Variants in KIF17 observed in about 807,000 individuals in gnomAD.
The protein encoded by KIF17 is kinesin-like protein KIF17.
A neutral mutation model predicts 96.8 loss-of-function variants in KIF17; 80 were observed. The observed-to-expected ratio is 0.83, with a 90% CI of 0.69 to 1.00. The LOEUF (loss-of-function observed/expected upper bound fraction) is 1.00. Ranked by LOEUF, KIF17 falls within the 50% of genes least tolerant of loss-of-function variation. The pLI, the probability that KIF17 is intolerant of heterozygous loss-of-function variation, is 0.00. For synonymous variants in KIF17, 567 were observed against 587.5 expected (o/e 0.97, Z 0.51); for missense variants, 1,280 against 1,372.9 (o/e 0.93, Z 1.07).
intron 11 of KIF17, among the ~76,000 whole-genome samples, chr1:20,677,097 G>T (rs1488410975): frequency 6.6e-6 from 1 of 152,210 alleles, no homozygotes; most frequent in Admixed American, 6.5e-5. Flanking sequence ...TGTAGTCCCA[G>T]CTATTCGGGA....
At position 20,704,622 on chromosome 1, in the gene KIF17, G is replaced by C; in HGVS notation, c.948C>G (p.Asp316Glu). The C allele has an allele frequency of 6.2e-7, 1 of 1,614,204 alleles. No individual in the cohort carries two copies. The highest frequency in any genetic ancestry group is 1.1e-5 in the South Asian group (1 of 91,072). Residue 316 changes from aspartate (D) to glutamate (E), a missense_variant, in exon 5 of 15, where the codon GAC becomes GAG. By Grantham distance (45) the Asp-to-Glu change is conservative (BLOSUM62 2). Transcript: ENST00000400463. This position sits in a 1 kb window ranked among gnomAD's most constrained non-coding sequence, Gnocchi z 6.8. ...TGCTGAGTGTCTCATCGTAGTTGTT[G>C]TCCGCAGGCGACAGGCAGGCCACCA... ...TLMVACLSPA[D>E]NNYDETLSTL...
In KIF17 at chr1:20,666,107, G is replaced by T. The variant is rs2053522242; in HGVS notation, c.2908+107C>A. The T allele has an allele frequency of 3.5e-6, 3 of 860,798 alleles. 1 individual carries two copies. Among genetic ancestry groups the T allele is most frequent in the South Asian group, 2.6e-5 (2 of 75,892 alleles). The allele number at this position is 860,798 out of a possible 1,614,324, so 53.3% of individuals were successfully genotyped here. ...TTGTAGCTAAGGAAACTGAGGCTCCGAGAGGGAAAGGAGTTTTTGAACCCA... is the reference window on the plus strand; with the variant it reads ...TTGTAGCTAAGGAAACTGAGGCTCCTAGAGGGAAAGGAGTTTTTGAACCCA... On this transcript the variant is annotated intron_variant, in intron 14 of 14. Coordinates refer to ENST00000400463, the MANE Select transcript of KIF17 (RefSeq NM_001122819.3).
At chr1:20,674,814 A>G (rs2053709439) in intron 11 of KIF17, among the ~76,000 whole-genome samples, 1 of 152,070 alleles carries the variant, frequency 6.6e-6, no homozygotes, top group East Asian at 1.9e-4. Flanking sequence ...TATTGACAAG[A>G]CTGTCCTTTC....
In KIF17 at chr1:20,671,977, T is replaced by A; in HGVS notation, c.2683A>T (p.Ile895Phe). 6.2e-7 allele frequency: 1 copy of A among 1,613,992 alleles called. No individual in the cohort carries two copies. Among genetic ancestry groups the A allele is most frequent in the Non-Finnish European group, 8.5e-7 (1 of 1,180,044 alleles). The change falls in exon 12 of 15, where the codon ATC becomes TTC. Residue 895 changes from isoleucine to phenylalanine, a missense_variant. By Grantham distance (21) the Ile-to-Phe change is conservative. Transcript: ENST00000400463. ...CWDEDNGFWK[I>F]PHPVITKTSL... ...GTTTTTGTGATGACGGGATGTGGGATCTTCCAGAAGCCGTTATCTTCGTCC... is the reference window on the plus strand; with the variant it reads ...GTTTTTGTGATGACGGGATGTGGGAACTTCCAGAAGCCGTTATCTTCGTCC...
intron 12 of KIF17, 33 bp downstream of exon 12, chr1:20,671,905 G>T (rs1430822568): frequency 6.2e-7 from 1 of 1,607,128 alleles, no homozygotes; most frequent in Non-Finnish European, 8.5e-7. Flanking sequence ...GTGAAGGAGG[G>T]AGGGGAGGGC....
rs1557606416 is a variant in KIF17 at position 20,712,622 on chromosome 1, GATA to G, written c.480+829_480+831del. On this transcript the variant is annotated intron_variant, in intron 3 of 14. Coordinates refer to ENST00000400463, the MANE Select transcript of KIF17 (RefSeq NM_001122819.3). ...TATATATCTATATATATATAATATA[GATA>G]ATATCTATATATATAATATAGATAA... 1.4e-3 allele frequency among the ~76,000 whole-genome samples: 30 copies of G among 21,096 alleles called. 10 individuals carry two copies. Among genetic ancestry groups the G allele is most frequent in the Non-Finnish European group, 3.2e-3 (24 of 7,616 alleles). The allele number at this position is 21,096 out of a possible 152,430, so 13.8% of individuals were successfully genotyped here.
intron 1 of KIF17, among the ~76,000 whole-genome samples, chr1:20,717,094 C>G (rs950420838): frequency 6.6e-6 from 1 of 152,204 alleles, no homozygotes; most frequent in African/African-American, 2.4e-5. Flanking sequence ...GATCCCAGCA[C>G]TTGGCGGGCG....
At position 20,684,799 on chromosome 1, in the gene KIF17, T is replaced by C. The variant is rs1444621164; in HGVS notation, c.2231+10A>G. The C allele has an allele frequency of 8.9e-6, 14 of 1,564,706 alleles. No individual in the cohort carries two copies. In the East Asian group the frequency reaches 3.4e-4, roughly 37 times the overall value. On this transcript the variant is annotated intron_variant, in intron 10 of 14. Coordinates refer to ENST00000400463, the MANE Select transcript of KIF17 (RefSeq NM_001122819.3). The stretch of plus-strand genomic sequence containing the variant: ...GTGGGGTCCCGCCAGCCCCATGCTC[T>C]GCTGCTTACCGGGCCAGCACCTGCT...
intron 6 of KIF17, among the ~76,000 whole-genome samples, chr1:20,694,404 C>T (rs1042615583): frequency 6.6e-6 from 1 of 152,060 alleles, no homozygotes; most frequent in African/African-American, 2.4e-5. Flanking sequence ...AGCAGAACTG[C>T]AGGTTAATGG....
chr1:20,668,628 T>C (rs769243089), intron 13 of KIF17, among the ~76,000 whole-genome samples: 39 of 152,218 alleles, frequency 2.6e-4, no homozygotes, highest in Admixed American at 5.2e-4. Flanking sequence ...TTCATTAGCC[T>C]AGGAGTGGTC....
chr1:20,664,493 G>A lies in KIF17; in HGVS notation c.*91C>T, dbSNP rs1036254665. 49 of 1,609,620 alleles carry A rather than the reference G, an allele frequency of 3.0e-5. No homozygotes were observed. The highest frequency in any genetic ancestry group is 4.2e-4 in the Middle Eastern group (2 of 4,802). On this transcript the variant is annotated 3_prime_UTR_variant, in exon 15 of 15. Coordinates refer to ENST00000400463, the MANE Select transcript of KIF17 (RefSeq NM_001122819.3). ...GCCCTCAGGCCCCGGAGCGCTGTGT[G>A]GCAGGTGGGAGGAGACCTGGTTGGG...
Position 20,704,200 on chromosome 1 carries a change from C to T in KIF17, c.1123+247G>A, listed in dbSNP as rs2054297817. ...GGATAATGGATGAGCAGATGAGAGGCGGGGAGTGGGCAACAGCCTGCGTCA... is the reference window on the plus strand; with the variant it reads ...GGATAATGGATGAGCAGATGAGAGGTGGGGAGTGGGCAACAGCCTGCGTCA... On this transcript the variant is annotated intron_variant, in intron 5 of 14. Coordinates refer to ENST00000400463, the MANE Select transcript of KIF17 (RefSeq NM_001122819.3). The surrounding 1 kb of genome is among the most constrained non-coding windows in gnomAD (Gnocchi z 6.8). 6.6e-6 allele frequency among the ~76,000 whole-genome samples: 1 copy of T among 151,604 alleles called. No homozygotes were observed. Among genetic ancestry groups the T allele is most frequent in the African/African-American group, 2.4e-5 (1 of 41,236 alleles).
intron 4 of KIF17, among the ~76,000 whole-genome samples, chr1:20,707,178 T>G (rs2054357449): frequency 6.6e-6 from 1 of 152,206 alleles, no homozygotes; most frequent in Non-Finnish European, 1.5e-5. Flanking sequence ...ACCACGTTTG[T>G]TATCTTTGCT....
chr1:20,667,992 A>C (rs949529815), intron 13 of KIF17, among the ~76,000 whole-genome samples: 16 of 148,730 alleles, frequency 1.1e-4, no homozygotes, highest in African/African-American at 4.0e-4. Context: ...CCTGGGCAAC[A>C]AGAGTGAAAC....
At chr1:20,705,620 G>A (rs1570474830) in intron 4 of KIF17, among the ~76,000 whole-genome samples, 1 of 152,222 alleles carries the variant, frequency 6.6e-6, no homozygotes, top group Admixed American at 6.5e-5. Flanking sequence ...GGTCCCCCAT[G>A]TCTGTCGCTG....
At chr1:20,706,366 G>A (rs542841360) in intron 4 of KIF17, among the ~76,000 whole-genome samples, 41 of 150,904 alleles carry the variant, frequency 2.7e-4, no homozygotes, top group Middle Eastern at 3.5e-3. Context: ...CAAGGCAGGC[G>A]GATCACCTGA....
chr1:20,717,413 TG>T, intron 1 of KIF17, 62 bp downstream of exon 1: 1 of 1,581,094 alleles, frequency 6.3e-7, no homozygotes. Context: ...CGCAGCCCCC[TG>T]GGGACTCTCG....
chr1:20,701,287 T>A (rs977593869), intron 5 of KIF17, among the ~76,000 whole-genome samples: 1 of 151,992 alleles, frequency 6.6e-6, no homozygotes, highest in Non-Finnish European at 1.5e-5. Context: ...AAAAATTAGC[T>A]GGGCATGGTG....
At chr1:20,682,605 C>T in intron 11 of KIF17, 48 bp downstream of exon 11, 1 of 1,557,666 alleles carries the variant, frequency 6.4e-7, no homozygotes. Flanking sequence ...CGGGGGGTCT[C>T]ACCCATCTCT....
Sources: allele counts gnomAD v4.1 joint callset (sites outside exome capture counted in the v4.1 genomes callset), GRCh38; gene constraint gnomAD v4.1.1; non-coding constraint Gnocchi (gnomAD v3.1); transcripts MANE v1.5; gene names NCBI Gene and HGNC (gene_info 2026-07-23, HGNC 2026-07-21).